Variants in LRFN5 observed in about 807,000 individuals in gnomAD.
LRFN5 encodes leucine rich repeat and fibronectin type III domain containing 5.
In LRFN5, 24 loss-of-function variants were observed where a neutral mutation model predicts 45.6. That is an observed-to-expected ratio of 0.53 (90% confidence interval 0.38 to 0.74). The LOEUF (loss-of-function observed/expected upper bound fraction) is 0.74. Among genes scored for constraint, LRFN5 ranks in the 30% least tolerant of loss-of-function variants. The probability of loss-of-function intolerance (pLI) is 0.00; values close to 1 mark genes in which losing one functional copy is unlikely to be tolerated. For synonymous variants in LRFN5, 340 were observed against 313.8 expected, an observed-to-expected ratio of 1.08 and a Z score of -0.88; for missense variants, 776 against 861.5, an observed-to-expected ratio of 0.90 and a Z score of 1.24.
intron 2 of LRFN5, among the ~76,000 whole-genome samples, chr14:41,795,384 C>T (rs1887082860): frequency 6.6e-6 from 1 of 152,084 alleles, no homozygotes; most frequent in South Asian, 2.1e-4. Flanking sequence ...CCTCAGGGAT[C>T]TAGAACTAGA....
chr14:41,799,918 C>T (rs1297079210), intron 2 of LRFN5, among the ~76,000 whole-genome samples: 1 of 148,064 alleles, frequency 6.8e-6, no homozygotes, highest in Non-Finnish European at 1.5e-5. Context: ...GAATTAGAGT[C>T]AATGGAGGGG....
chr14:41,854,621 G>T (rs1355969465), intron 2 of LRFN5, among the ~76,000 whole-genome samples: 3 of 152,170 alleles, frequency 2.0e-5, no homozygotes, highest in Non-Finnish European at 2.9e-5. Flanking sequence ...AGAAAATTCA[G>T]AATCCAAAGC....
intron 2 of LRFN5, among the ~76,000 whole-genome samples, chr14:41,851,276 T>TCAGACTTACAATA (rs1889256594): frequency 9.0e-6 from 1 of 110,844 alleles, no homozygotes; most frequent in Non-Finnish European, 1.8e-5. Flanking sequence ...TGGGGACTTT[T>TCAGACTTACAATA]CAGACTTACA....
At chr14:41,717,472 G>A (rs75055202) in intron 1 of LRFN5, among the ~76,000 whole-genome samples, 4 of 152,324 alleles carry the variant, frequency 2.6e-5, no homozygotes, top group Non-Finnish European at 2.9e-5. Flanking sequence ...TGAAGCACCA[G>A]CCTTAGAGTA....
At chr14:41,812,616 T>A (rs1350849067) in intron 2 of LRFN5, among the ~76,000 whole-genome samples, 1 of 151,780 alleles carries the variant, frequency 6.6e-6, no homozygotes, top group African/African-American at 2.4e-5. Context: ...TATATATATA[T>A]AAATTATTGA....
chr14:41,691,559 A>G (rs1882378969), intron 1 of LRFN5, among the ~76,000 whole-genome samples: 1 of 152,076 alleles, frequency 6.6e-6, no homozygotes, highest in Non-Finnish European at 1.5e-5. Flanking sequence ...TTGTGCATAT[A>G]CATATATATA....
At chr14:41,821,777 A>AT (rs112591355) in intron 2 of LRFN5, among the ~76,000 whole-genome samples, 22 of 44,318 alleles carry the variant, frequency 5.0e-4, no homozygotes, top group South Asian at 7.2e-4. Context: ...TGGGGGAGGG[A>AT]TTTTTTTTTT....
chr14:41,623,695 C>T (rs1888220643), intron 1 of LRFN5, among the ~76,000 whole-genome samples: 1 of 152,038 alleles, frequency 6.6e-6, no homozygotes, highest in Admixed American at 6.6e-5. Context: ...TAATTGGAAA[C>T]TGTAGGGCAG....
chr14:41,656,006 TG>T (rs1396161445), intron 1 of LRFN5, among the ~76,000 whole-genome samples: 13 of 152,040 alleles, frequency 8.6e-5, no homozygotes, highest in Non-Finnish European at 1.9e-4. Context: ...TTAATGCTTT[TG>T]ACTTCTAGAT....
chr14:41,808,197 GGGAAGGAAGGAA>G (rs141262386), intron 2 of LRFN5, among the ~76,000 whole-genome samples: 4,241 of 101,062 alleles, frequency 0.042, 111 homozygotes, highest in African/African-American at 0.091. Flanking sequence ...AGGAAGTAGA[GGGAAGGAAGGAA>G]GGAAGGAAGG....
At chr14:41,669,556 T>G (rs1373402084) in intron 1 of LRFN5, among the ~76,000 whole-genome samples, 3 of 152,046 alleles carry the variant, frequency 2.0e-5, no homozygotes, top group Non-Finnish European at 4.4e-5. Context: ...TCTGTTGGAT[T>G]GATAAGCATC....
chr14:41,897,121 TAAATAAA>T (rs1443525118), intron 4 of LRFN5, among the ~76,000 whole-genome samples: 20 of 149,596 alleles, frequency 1.3e-4, no homozygotes, highest in African/African-American at 4.9e-4. Flanking sequence ...AATAAATAAA[TAAATAAA>T]TAAATATTAA....
At chr14:41,880,806 T>C (rs915519825) in intron 2 of LRFN5, among the ~76,000 whole-genome samples, 2 of 152,190 alleles carry the variant, frequency 1.3e-5, no homozygotes, top group Non-Finnish European at 2.9e-5. Context: ...TTTGAAGATC[T>C]TCTGCTGAGT....
chr14:41,773,406 T>C (rs946104038), intron 2 of LRFN5, among the ~76,000 whole-genome samples: 1 of 152,204 alleles, frequency 6.6e-6, no homozygotes, highest in Non-Finnish European at 1.5e-5. Flanking sequence ...TTTTATGTTT[T>C]TTTCTTTAGT....
intron 1 of LRFN5, among the ~76,000 whole-genome samples, chr14:41,667,414 T>C (rs1388479626): frequency 6.6e-6 from 1 of 152,190 alleles, no homozygotes; most frequent in African/African-American, 2.4e-5. Context: ...GCCATAGCCA[T>C]GTTTGCTATA....
chr14:41,876,608 C>T (rs1201249486), intron 2 of LRFN5, among the ~76,000 whole-genome samples: 8 of 151,948 alleles, frequency 5.3e-5, no homozygotes, highest in Admixed American at 5.2e-4. Flanking sequence ...TTGTCTTTTT[C>T]TTTTACTCCC....
intron 2 of LRFN5, among the ~76,000 whole-genome samples, chr14:41,824,741 G>T (rs1056125895): frequency 2.0e-5 from 3 of 152,086 alleles, no homozygotes; most frequent in Non-Finnish European, 4.4e-5. Flanking sequence ...CATGCCTGAT[G>T]CCCTGAGTTT....
intron 1 of LRFN5, among the ~76,000 whole-genome samples, chr14:41,751,104 T>G (rs1566651742): frequency 6.6e-6 from 1 of 151,392 alleles, no homozygotes; most frequent in Non-Finnish European, 1.5e-5. Flanking sequence ...CAGAGCCCCC[T>G]CACTATCATG....
At chr14:41,742,315 A>G (rs940752256) in intron 1 of LRFN5, among the ~76,000 whole-genome samples, 1 of 83,776 alleles carries the variant, frequency 1.2e-5, no homozygotes, top group African/African-American at 7.0e-5. Context: ...GTGTGTATAC[A>G]CACACACACA....
Sources: gnomAD v4.1 joint callset for allele counts (sites outside exome capture counted in the v4.1 genomes callset) on GRCh38, gnomAD v4.1.1 for gene constraint, MANE v1.5 for transcripts, NCBI Gene and HGNC (gene_info 2026-07-23, HGNC 2026-07-21) for gene names.